GAN: variants seen among roughly 807,000 people sequenced by gnomAD.
The protein encoded by GAN is epididymis secretory sperm binding protein.
GAN carries 48 observed loss-of-function variants against 71.3 expected under a neutral mutation model. The observed-to-expected ratio is 0.67, with a 90% CI of 0.53 to 0.86. GAN has a LOEUF of 0.86. Among genes scored for constraint, GAN ranks in the 40% least tolerant of loss-of-function variants. The pLI is 0.00. For missense variants in GAN, 928 were observed against 770.1 expected (o/e 1.21, Z -2.43); for synonymous variants, 386 against 276.8 (o/e 1.39, Z -3.92).
rs894854671 is a variant in GAN, at chr16:81,388,622, C to T, written c.*11026C>T. 2 of 152,588 alleles carry T rather than the reference C, an allele frequency of 1.3e-5. No individual in the cohort carries two copies. The highest frequency in any genetic ancestry group is 2.9e-5 in the Non-Finnish European group (2 of 68,338). The allele number at this position is 152,588 out of a possible 1,614,324, so 9.5% of individuals were successfully genotyped here. ...CACTACCTCAGCACCCAGTGCAGCCCCAGGCTCCCGGACGTGCTCGGCCCG... is the reference window on the plus strand; with the variant it reads ...CACTACCTCAGCACCCAGTGCAGCCTCAGGCTCCCGGACGTGCTCGGCCCG... On this transcript the variant is annotated 3_prime_UTR_variant, in exon 11 of 11. Transcript: ENST00000648994.
chr16:81,368,028 G>C (rs1256435012), intron 9 of GAN, among the ~76,000 whole-genome samples: 1 of 152,200 alleles, frequency 6.6e-6, no homozygotes, highest in Non-Finnish European at 1.5e-5. Context: ...TTTGATTGGA[G>C]ACCATGTCGA....
rs1244691947 is a variant in GAN, at chr16:81,381,103, A to G, written c.*3507A>G. 6.6e-6 allele frequency: 1 copy of G among 152,186 alleles called. No individual in the cohort carries two copies. The highest frequency in any genetic ancestry group is 2.4e-5 in the African/African-American group (1 of 41,426). The allele number at this position is 152,186 out of a possible 1,614,324, so 9.4% of individuals were successfully genotyped here. ...GGATTCCCTAGTCAATGCATAGGAA[A>G]TACATTCTTTGTACAAACGTGGTAA... On this transcript the variant is annotated 3_prime_UTR_variant, in exon 11 of 11. Coordinates refer to ENST00000648994, the MANE Select transcript of GAN (RefSeq NM_022041.4).
rs1904354011 is a variant in GAN at position 81,384,829 on chromosome 16, G to C, written c.*7233G>C. 1 of 152,404 alleles carries C rather than the reference G, an allele frequency of 6.6e-6. No homozygotes were observed. The highest frequency in any genetic ancestry group is 2.4e-5 in the African/African-American group (1 of 41,420). 9.4% of individuals were successfully genotyped at this position (152,404 alleles called of 1,614,324 possible). A position where few individuals can be genotyped will look rare whatever the true frequency, so the allele number is the denominator to read the frequency against. ...CACGTGGTCGCCTCCATCCTCCCTA[G>C]TGTCTGTCAGCTTGCCTGGTCACCA... is the stretch of plus-strand genomic sequence containing the variant. On this transcript the variant is annotated 3_prime_UTR_variant, in exon 11 of 11. Transcript: ENST00000648994.
intron 1 of GAN, among the ~76,000 whole-genome samples, chr16:81,333,660 A>T (rs752744079): frequency 1.3e-5 from 2 of 152,194 alleles, no homozygotes; most frequent in Non-Finnish European, 2.9e-5. Flanking sequence ...GGTTAGAAGT[A>T]AAAGTTTGTC....
intron 1 of GAN, among the ~76,000 whole-genome samples, chr16:81,348,005 A>G (rs1411680359): frequency 1.3e-5 from 2 of 151,724 alleles, no homozygotes; most frequent in Non-Finnish European, 2.9e-5. Context: ...TTTCTTTTTT[A>G]AAAAATTATT....
At position 81,379,128 on chromosome 16, in the gene GAN, CGA is replaced by C. The variant is rs1904293071; in HGVS notation, c.*1535_*1536del. 6.6e-6 allele frequency: 1 copy of C among 151,634 alleles called. No homozygotes were observed. The highest frequency in any genetic ancestry group is 1.5e-5 in the Non-Finnish European group (1 of 67,972). The allele number at this position is 151,634 out of a possible 1,614,324, so 9.4% of individuals were successfully genotyped here. ...ATAAAGGTATCCTTTGGTTTTAAGT[CGA>C]GAACAGGAATTTCTTCTAGAAACTT... On this transcript the variant is annotated 3_prime_UTR_variant, in exon 11 of 11. Transcript: ENST00000648994.
chr16:81,337,218 C>T (rs553432561), intron 1 of GAN, among the ~76,000 whole-genome samples: 5 of 152,188 alleles, frequency 3.3e-5, no homozygotes, highest in Admixed American at 6.5e-5. Flanking sequence ...AGAGGCTACA[C>T]AGGCCCCTCT....
At chr16:81,344,294 C>A (rs890171744) in intron 1 of GAN, among the ~76,000 whole-genome samples, 8 of 152,162 alleles carry the variant, frequency 5.3e-5, no homozygotes, top group Non-Finnish European at 1.0e-4. Flanking sequence ...AAAGAGCCCG[C>A]ATAGCCAAGA....
intron 5 of GAN, among the ~76,000 whole-genome samples, chr16:81,358,504 G>A (rs562535090): frequency 1.3e-5 from 2 of 152,088 alleles, no homozygotes; most frequent in African/African-American, 4.8e-5. Flanking sequence ...AGCTACTTGG[G>A]AGGCTGAGGT....
In GAN at chr16:81,380,959, G is replaced by T. The variant is rs1393433621; in HGVS notation, c.*3363G>T. On this transcript the variant is annotated 3_prime_UTR_variant, in exon 11 of 11. Coordinates refer to ENST00000648994, the MANE Select transcript of GAN (RefSeq NM_022041.4). Reference sequence around the variant, plus strand: ...ATAACAACCAAAAAGGAGCATTTGGGGGTATGTTGGATGGTGTTTTGTTTG... The same window carrying T: ...ATAACAACCAAAAAGGAGCATTTGGTGGTATGTTGGATGGTGTTTTGTTTG... 1.3e-5 allele frequency: 2 copies of T among 152,114 alleles called. No homozygotes were observed. Among genetic ancestry groups the T allele is most frequent in the Non-Finnish European group, 2.9e-5 (2 of 68,014 alleles). The allele number at this position is 152,114 out of a possible 1,614,324, so 9.4% of individuals were successfully genotyped here.
chr16:81,356,666 G>T, intron 3 of GAN, 119 bp from the exon 4 acceptor site: 1 of 789,612 alleles, frequency 1.3e-6, no homozygotes, highest in Non-Finnish European at 2.3e-6. Flanking sequence ...TGTCTCACTT[G>T]CCTGGTAATA....
rs1904455874 is a variant in GAN, at chr16:81,388,074, A to T, written c.*10478A>T. ...AAAACAGGCACTTCGCAGTCGGCGC[A>T]TCTTTCTCTGCCAGCTTAGGGATTG... On this transcript the variant is annotated 3_prime_UTR_variant, in exon 11 of 11. Transcript: ENST00000648994. The T allele has an allele frequency of 6.6e-6, 1 of 152,214 alleles. No homozygotes were observed. Among genetic ancestry groups the T allele is most frequent in the African/African-American group, 2.4e-5 (1 of 41,430 alleles). 9.4% of individuals were successfully genotyped at this position (152,214 alleles called of 1,614,324 possible). A position where few individuals can be genotyped will look rare whatever the true frequency, so the allele number is the denominator to read the frequency against.
rs1056158914 is a variant in GAN at position 81,365,291 on chromosome 16, G to A, written c.1374-59G>A. 2.9e-5 allele frequency: 46 copies of A among 1,610,700 alleles called. 1 individual carries two copies. The South Asian group carries it at 3.7e-4, about 13-fold the overall frequency. On this transcript the variant is annotated intron_variant, in intron 8 of 10. Transcript: ENST00000648994. ...AGTTAAACCAGCATAAGAGGAACGCGGGAGTGAGATCTCGCATTGTACAGC... is the reference window on the plus strand; with the variant it reads ...AGTTAAACCAGCATAAGAGGAACGCAGGAGTGAGATCTCGCATTGTACAGC...
intron 9 of GAN, among the ~76,000 whole-genome samples, chr16:81,374,231 T>C (rs1260132794): frequency 6.6e-6 from 1 of 152,196 alleles, no homozygotes; most frequent in Non-Finnish European, 1.5e-5. Context: ...GGAGAACACG[T>C]TGATGTGCCT....
rs763100635 is a variant in GAN, at chr16:81,315,153, G to T, written c.40G>T (p.Ala14Ser). 1.9e-6 allele frequency: 3 copies of T among 1,548,348 alleles called. No homozygotes were observed. Among genetic ancestry groups the T allele is most frequent in the Non-Finnish European group, 2.6e-6 (3 of 1,149,460 alleles). The change falls in exon 1 of 11, where the codon GCG (alanine) becomes TCG (serine). Residue 14 changes from alanine to serine, a missense_variant. By Grantham distance (99) the Ala-to-Ser change is moderately conservative. Transcript: ENST00000648994. ...GSAVSDPQHA[A>S]RLLRALSSFR... ...TGCCGTGTCTGACCCTCAGCACGCC[G>T]CGCGTCTGCTGCGAGCGCTCAGCTC...
chr16:81,351,543 G>T (rs770645867), intron 1 of GAN, 40 bp from the exon 2 acceptor site: 5 of 841,726 alleles, frequency 5.9e-6, no homozygotes, highest in African/African-American at 3.3e-5. Flanking sequence ...AGCTATTTCT[G>T]TTCTTTCATA....
chr16:81,359,395 A>G (rs999477899), intron 5 of GAN, among the ~76,000 whole-genome samples: 14 of 142,888 alleles, frequency 9.8e-5, no homozygotes, highest in Non-Finnish European at 2.1e-4. Context: ...CCGTTTGTCC[A>G]GGCTGCATTG....
chr16:81,360,945 C>T (rs146756781), intron 5 of GAN, among the ~76,000 whole-genome samples: 67 of 152,166 alleles, frequency 4.4e-4, no homozygotes, highest in African/African-American at 1.5e-3. Context: ...TTGTAGCAGC[C>T]GGGCGCAGTG....
chr16:81,324,559 G>A (rs9888791), intron 1 of GAN, among the ~76,000 whole-genome samples: 26,014 of 152,042 alleles, frequency 0.17, 3,457 homozygotes, highest in East Asian at 0.6. Context: ...GGATGGCATC[G>A]ACAACAGATT....
Sources: allele counts gnomAD v4.1 joint callset (sites outside exome capture counted in the v4.1 genomes callset), GRCh38; gene constraint gnomAD v4.1.1; transcripts MANE v1.5; gene names NCBI Gene and HGNC (gene_info 2026-07-23, HGNC 2026-07-21).